Variants in GMDS observed in about 807,000 individuals in gnomAD.
GMDS encodes the protein GDP-mannose 4,6 dehydratase.
GMDS carries 20 observed loss-of-function variants against 49.9 expected under a neutral mutation model. That is an observed-to-expected ratio of 0.40 (90% CI 0.28 to 0.58). The LOEUF is 0.58. Among genes scored for constraint, GMDS ranks in the 20% least tolerant of loss-of-function variants. The pLI is 0.42. For synonymous variants in GMDS, 177 were observed against 178.6 expected, an observed-to-expected ratio of 0.99 and a Z score of 0.07; for missense variants, 362 against 481.4, an observed-to-expected ratio of 0.75 and a Z score of 2.32.
intron 7 of GMDS, among the ~76,000 whole-genome samples, chr6:1,743,995 G>A (rs994189444): frequency 1.5e-4 from 23 of 152,110 alleles, no homozygotes; most frequent in African/African-American, 1.2e-4. Flanking sequence ...TTTGGTTTGC[G>A]TCTCCCTAAG....
intron 4 of GMDS, among the ~76,000 whole-genome samples, chr6:2,048,832 G>A (rs1357299656): frequency 6.6e-6 from 1 of 152,126 alleles, no homozygotes; most frequent in African/African-American, 2.4e-5. Context: ...AAATACAACT[G>A]ATTTTATCCA....
At chr6:1,884,725 A>G (rs1486811457) in intron 7 of GMDS, among the ~76,000 whole-genome samples, 1 of 152,206 alleles carries the variant, frequency 6.6e-6, no homozygotes, top group Non-Finnish European at 1.5e-5. Flanking sequence ...GGCAAAACCC[A>G]TGGGCAGTAT....
chr6:1,945,055 G>T (rs1192607449), intron 6 of GMDS, among the ~76,000 whole-genome samples: 1 of 152,002 alleles, frequency 6.6e-6, no homozygotes. Context: ...TTTCAAGAAG[G>T]GTCAGACTCC....
intron 7 of GMDS, among the ~76,000 whole-genome samples, chr6:1,818,272 AC>A (rs1770748455): frequency 6.6e-6 from 1 of 152,150 alleles, no homozygotes; most frequent in Non-Finnish European, 1.5e-5. Context: ...TTATCAAAAC[AC>A]GTTTTTCTAA....
intron 7 of GMDS, among the ~76,000 whole-genome samples, chr6:1,916,032 C>T (rs1761371349): frequency 6.6e-6 from 1 of 152,228 alleles, no homozygotes; most frequent in Non-Finnish European, 1.5e-5. Flanking sequence ...CTCACGCAGG[C>T]TTCGCAGGTG....
chr6:2,194,829 C>T (rs1779212532), intron 1 of GMDS, among the ~76,000 whole-genome samples: 1 of 152,274 alleles, frequency 6.6e-6, no homozygotes, highest in South Asian at 2.1e-4. Context: ...ACTTGGCTAG[C>T]CATGCATAAA....
chr6:2,156,684 G>A (rs973479560), intron 1 of GMDS, among the ~76,000 whole-genome samples: 3 of 151,950 alleles, frequency 2.0e-5, no homozygotes, highest in African/African-American at 7.3e-5. Flanking sequence ...GGTAAGAACT[G>A]AGATTATGAT....
chr6:1,856,688 G>C (rs1406907087), intron 7 of GMDS, among the ~76,000 whole-genome samples: 1 of 152,188 alleles, frequency 6.6e-6, no homozygotes, highest in Non-Finnish European at 1.5e-5. Context: ...CAACAGGTAG[G>C]GGGCTCCACC....
intron 4 of GMDS, among the ~76,000 whole-genome samples, chr6:1,969,828 G>C (rs1459564684): frequency 6.6e-6 from 1 of 152,202 alleles, no homozygotes; most frequent in African/African-American, 2.4e-5. Flanking sequence ...TAAGTACAGA[G>C]AAAGCATCTT....
intron 9 of GMDS, among the ~76,000 whole-genome samples, chr6:1,643,467 T>C (rs1343453667): frequency 6.6e-6 from 1 of 152,204 alleles, no homozygotes; most frequent in Non-Finnish European, 1.5e-5. Flanking sequence ...TCCCATGGCA[T>C]AAATGAGGCA....
chr6:1,863,235 C>G (rs573781942), intron 7 of GMDS, among the ~76,000 whole-genome samples: 12 of 152,072 alleles, frequency 7.9e-5, no homozygotes, highest in Non-Finnish European at 1.3e-4. Flanking sequence ...TCACCCATAA[C>G]CATTAGTTTC....
intron 7 of GMDS, among the ~76,000 whole-genome samples, chr6:1,750,306 G>C (rs1433075249): frequency 6.6e-6 from 1 of 152,186 alleles, no homozygotes; most frequent in Non-Finnish European, 1.5e-5. Flanking sequence ...TGGCTGAATA[G>C]GAACAGCTCC....
Position 2,014,124 on chromosome 6 carries a change from C to CA in GMDS, c.346-53159dup, listed in dbSNP as rs57266542. ...ATACAACAAAATTATCCCCCCCCCC[C>CA]AAAAAAATAAAAATAAAAACTTTCT... On this transcript the variant is annotated intron_variant, in intron 4 of 10. Coordinates refer to ENST00000380815, the MANE Select transcript of GMDS (RefSeq NM_001500.4). Among the ~76,000 whole-genome samples the CA allele has an allele frequency of 3.7e-4, 26 of 70,932 alleles. No individual in the cohort carries two copies. In the East Asian group the frequency reaches 8.8e-3, roughly 24 times the overall value. 46.5% of individuals were successfully genotyped at this position (70,932 alleles called of 152,430 possible).
At chr6:1,688,647 G>A (rs1180927082) in intron 9 of GMDS, among the ~76,000 whole-genome samples, 2 of 152,134 alleles carry the variant, frequency 1.3e-5, no homozygotes, top group African/African-American at 4.8e-5. Flanking sequence ...ATTTGCCTGG[G>A]GACTTAATAC....
chr6:2,148,341 C>A (rs900571332), intron 1 of GMDS, among the ~76,000 whole-genome samples: 10 of 152,152 alleles, frequency 6.6e-5, no homozygotes, highest in African/African-American at 2.2e-4. Flanking sequence ...AGCCGGGCAG[C>A]AAAGTATAAA....
At chr6:1,805,900 G>A (rs1409212411) in intron 7 of GMDS, among the ~76,000 whole-genome samples, 1 of 152,172 alleles carries the variant, frequency 6.6e-6, no homozygotes, top group Non-Finnish European at 1.5e-5. Flanking sequence ...AGGTATTTAG[G>A]TTGTTTCCAA....
At chr6:1,942,772 G>T (rs1236575162) in intron 6 of GMDS, among the ~76,000 whole-genome samples, 5 of 152,186 alleles carry the variant, frequency 3.3e-5, no homozygotes, top group African/African-American at 4.8e-5. Flanking sequence ...CCATACTTGG[G>T]TAACACCCAT....
chr6:1,869,578 A>C (rs371181940), intron 7 of GMDS, among the ~76,000 whole-genome samples: 1 of 152,256 alleles, frequency 6.6e-6, no homozygotes, highest in South Asian at 2.1e-4. Context: ...TAAGAACCAC[A>C]GCCTTCAGAT....
chr6:2,067,121 C>T (rs1327186233), intron 4 of GMDS, among the ~76,000 whole-genome samples: 3 of 151,112 alleles, frequency 2.0e-5, no homozygotes, highest in African/African-American at 7.3e-5. Flanking sequence ...CACTCAAAAC[C>T]GCTCAACTAC....
Sources: gnomAD v4.1 joint callset for allele counts (sites outside exome capture counted in the v4.1 genomes callset) on GRCh38, gnomAD v4.1.1 for gene constraint, MANE v1.5 for transcripts, NCBI Gene and HGNC (gene_info 2026-07-23, HGNC 2026-07-21) for gene names.